PER3: variants seen among roughly 807,000 people sequenced by gnomAD.
PER3 encodes the protein period circadian protein homolog 3.
PER3 carries 107 observed loss-of-function variants against 127.2 expected under a neutral mutation model. That is an observed-to-expected ratio of 0.84 (90% CI 0.72 to 0.99). PER3 has a LOEUF of 0.99. PER3 is among the 50% of genes least tolerant of loss of function. The pLI is 0.00. For missense variants in PER3, 1,560 were observed against 1,525.8 expected, an observed-to-expected ratio of 1.02 and a Z score of -0.37; for synonymous variants, 618 against 585.8, an observed-to-expected ratio of 1.05 and a Z score of -0.79.
chr1:7,843,186 A>G lies in PER3; in HGVS notation c.*431A>G, dbSNP rs143396342. 5.5e-3 allele frequency: 844 copies of G among 153,792 alleles called. 6 individuals are homozygous for G. Among genetic ancestry groups the G allele is most frequent in the Middle Eastern group, 0.01 (3 of 296 alleles). The allele number at this position is 153,792 out of a possible 1,614,324, so 9.5% of individuals were successfully genotyped here. A position where few individuals can be genotyped will look rare whatever the true frequency, so the allele number is the denominator to read the frequency against. On this transcript the variant is annotated 3_prime_UTR_variant, in exon 22 of 22. Coordinates refer to ENST00000377532, the MANE Select transcript of PER3 (RefSeq NM_001377275.1). ...ACCTACAGGTTGTGTACTTTTCATA[A>G]TGGTTTCCATGAATGTAGTACGTTC... is the stretch of plus-strand genomic sequence containing the variant.
intron 5 of PER3, among the ~76,000 whole-genome samples, chr1:7,790,577 C>G (rs2097114624): frequency 6.6e-6 from 1 of 152,184 alleles, no homozygotes; most frequent in South Asian, 2.1e-4. Context: ...AATCTCACGT[C>G]CTCACATTTC....
chr1:7,840,339 T>TC (rs1389918700), intron 21 of PER3, among the ~76,000 whole-genome samples: 4 of 151,940 alleles, frequency 2.6e-5, no homozygotes, highest in Non-Finnish European at 5.9e-5. Flanking sequence ...TTTTCTATTT[T>TC]TTTTTTTAGA....
In PER3 at chr1:7,820,140, G is replaced by T. The variant is rs1380903922; in HGVS notation, c.1684G>T (p.Ala562Ser). 38 of 1,613,540 alleles carry T rather than the reference G, an allele frequency of 2.4e-5. No homozygotes were observed. The highest frequency in any genetic ancestry group is 3.1e-5 in the Non-Finnish European group (36 of 1,179,668). ...ATACCTGAAGAGCTACAACATTCCA[G>T]CTTTGAAAAGAAAGTGTATCTCCTG... The part of the protein sequence containing the change: ...IRYLKSYNIP[A>S]LKRKCISCTN... The change falls in exon 15 of 22, where the codon GCT becomes TCT. Residue 562 changes from alanine (A) to serine (S), a missense_variant. By Grantham distance (99) the Ala-to-Ser change is moderately conservative. Coordinates refer to ENST00000377532, the MANE Select transcript of PER3 (RefSeq NM_001377275.1).
At chr1:7,830,209 C>G (rs2097324705) in intron 19 of PER3, 48 bp downstream of exon 19, 10 of 1,490,056 alleles carry the variant, frequency 6.7e-6, no homozygotes, top group Non-Finnish European at 8.4e-6. Flanking sequence ...GCCAGACATT[C>G]ACTATGTGCT....
intron 8 of PER3, 48 bp downstream of exon 8, chr1:7,801,239 A>G: frequency 2.0e-6 from 2 of 1,017,694 alleles, no homozygotes; most frequent in Non-Finnish European, 3.0e-6. Flanking sequence ...GAAAATAAAT[A>G]TAAATGTGAA....
intron 3 of PER3, among the ~76,000 whole-genome samples, chr1:7,786,456 A>T (rs1297715536): frequency 8.6e-5 from 13 of 151,968 alleles, no homozygotes; most frequent in Admixed American, 8.5e-4. Context: ...CCGCAAAAAA[A>T]TTGTGTATGC....
chr1:7,816,015 A>AAATTG (rs1416782721), intron 13 of PER3, among the ~76,000 whole-genome samples: 109 of 148,378 alleles, frequency 7.3e-4, no homozygotes, highest in African/African-American at 2.6e-3. Context: ...AAAAAAAAAA[A>AAATTG]AATTGAATTG....
chr1:7,822,904 T>A (rs2097283981), intron 16 of PER3, among the ~76,000 whole-genome samples: 1 of 151,554 alleles, frequency 6.6e-6, no homozygotes, highest in Non-Finnish European at 1.5e-5. Context: ...ACAAAAAATG[T>A]TTAAATTAGC....
intron 13 of PER3, among the ~76,000 whole-genome samples, chr1:7,815,691 TA>T (rs1355188433): frequency 6.6e-6 from 1 of 151,934 alleles, no homozygotes; most frequent in African/African-American, 2.4e-5. Context: ...TCAAGGGAAA[TA>T]AAAACATTTT....
intron 5 of PER3, among the ~76,000 whole-genome samples, chr1:7,789,978 C>T (rs1208391858): frequency 6.6e-6 from 1 of 152,178 alleles, no homozygotes; most frequent in East Asian, 1.9e-4. Flanking sequence ...GCTGTTCATT[C>T]CGTAAACATT....
chr1:7,841,213 G>A (rs746021185), intron 21 of PER3, among the ~76,000 whole-genome samples: 5 of 152,120 alleles, frequency 3.3e-5, no homozygotes, highest in East Asian at 1.9e-4. Flanking sequence ...ATCCTGGGCC[G>A]CATGTGGCCC....
At chr1:7,788,279 C>G (rs2150448803) in intron 5 of PER3, 33 bp downstream of exon 5, 1 of 1,410,088 alleles carries the variant, frequency 7.1e-7, no homozygotes, top group East Asian at 2.3e-5. Flanking sequence ...GTCTATCTTT[C>G]CTCATCAAGA....
At chr1:7,791,153 C>T (rs549501205) in intron 5 of PER3, among the ~76,000 whole-genome samples, 1 of 152,366 alleles carries the variant, frequency 6.6e-6, no homozygotes, top group East Asian at 1.9e-4. Context: ...CCAAATTTCC[C>T]TTACACATCT....
chr1:7,816,525 A>C (rs1383843891), intron 13 of PER3, among the ~76,000 whole-genome samples: 2 of 152,244 alleles, frequency 1.3e-5, no homozygotes, highest in Admixed American at 1.3e-4. Context: ...AGACAACCCA[A>C]TTAGAAACAT....
intron 4 of PER3, chr1:7,787,359 G>A: frequency 3.5e-6 from 1 of 288,868 alleles, no homozygotes; most frequent in Non-Finnish European, 6.9e-6. Flanking sequence ...TTGATACGGT[G>A]GAGATTACTT....
intron 11 of PER3, 130 bp downstream of exon 11, chr1:7,809,128 GTCTT>G (rs955722141): frequency 1.9e-5 from 11 of 569,154 alleles, no homozygotes; most frequent in African/African-American, 1.6e-4. Flanking sequence ...AGAAATTTTT[GTCTT>G]TCTCTTTTCG....
At chr1:7,785,668 C>A in intron 3 of PER3, 82 bp downstream of exon 3, 1 of 1,156,832 alleles carries the variant, frequency 8.6e-7, no homozygotes, top group Non-Finnish European at 1.3e-6. Flanking sequence ...AGTGGGGTCT[C>A]AGTCAGACAA....
chr1:7,819,117 A>G (rs1312665815), intron 13 of PER3, among the ~76,000 whole-genome samples, 168 bp from the exon 14 acceptor site: 1 of 152,088 alleles, frequency 6.6e-6, no homozygotes, highest in Non-Finnish European at 1.5e-5. Flanking sequence ...CGTGTTGTGG[A>G]TATCTTTCTA....
chr1:7,816,966 G>A (rs1367887100), intron 13 of PER3, among the ~76,000 whole-genome samples: 1 of 152,226 alleles, frequency 6.6e-6, no homozygotes, highest in Non-Finnish European at 1.5e-5. Flanking sequence ...ACAGTGAAAT[G>A]CTACTTAACG....
Sources: allele counts gnomAD v4.1 joint callset (sites outside exome capture counted in the v4.1 genomes callset), GRCh38; gene constraint gnomAD v4.1.1; transcripts MANE v1.5; gene names NCBI Gene and HGNC (gene_info 2026-07-23, HGNC 2026-07-21).